Variants in RTN1 observed in about 807,000 individuals in gnomAD.
RTN1 encodes reticulon-1.
In RTN1, 25 loss-of-function variants were observed where a neutral mutation model predicts 65.5. The observed-to-expected ratio is 0.38, with a 90% CI of 0.28 to 0.53. RTN1 has a LOEUF of 0.53. RTN1 is among the 20% of genes least tolerant of loss of function. The pLI is 0.79. For missense variants in RTN1, 983 were observed against 1,025.4 expected (o/e 0.96, Z 0.57); for synonymous variants, 471 against 447.6 (o/e 1.05, Z -0.66).
At chr14:59,616,220 T>A (rs8010675) in intron 3 of RTN1, among the ~76,000 whole-genome samples, 114,043 of 152,042 alleles carry the variant, frequency 0.75, 43,175 homozygotes, top group East Asian at 0.86. Context: ...AAACTCCTGT[T>A]ATTCTAATAT....
At chr14:59,602,445 T>C (rs539550662) in intron 8 of RTN1, among the ~76,000 whole-genome samples, 8 of 152,138 alleles carry the variant, frequency 5.3e-5, no homozygotes, top group Non-Finnish European at 1.0e-4. Flanking sequence ...TTAATGATCA[T>C]GTTAGCTATG....
intron 1 of RTN1, among the ~76,000 whole-genome samples, chr14:59,808,022 G>A (rs1305955915): frequency 6.6e-6 from 1 of 152,146 alleles, no homozygotes; most frequent in African/African-American, 2.4e-5. Context: ...GTGCTTCTTA[G>A]ATTATAAATT....
chr14:59,848,074 G>T (rs1887440491), intron 1 of RTN1, among the ~76,000 whole-genome samples: 1 of 152,068 alleles, frequency 6.6e-6, no homozygotes, highest in African/African-American at 2.4e-5. Context: ...CTGAGTAATG[G>T]CTCAGATTTT....
intron 2 of RTN1, among the ~76,000 whole-genome samples, chr14:59,741,133 C>G (rs938508434): frequency 9.9e-5 from 15 of 152,158 alleles, no homozygotes; most frequent in Non-Finnish European, 1.9e-4. Context: ...ATTGAAAACC[C>G]AAGTCTGATC....
chr14:59,705,585 C>T (rs1884274004), intron 3 of RTN1, among the ~76,000 whole-genome samples: 1 of 152,142 alleles, frequency 6.6e-6, no homozygotes, highest in Non-Finnish European at 1.5e-5. Context: ...CATTATTTTG[C>T]TAATGTTTCT....
At chr14:59,630,895 G>T in intron 3 of RTN1, 1 of 958,468 alleles carries the variant, frequency 1.0e-6, no homozygotes, top group Non-Finnish European at 1.2e-6. Context: ...GGTGAGAGGA[G>T]GAGGACTTGG....
chr14:59,637,344 T>C (rs1157408302), intron 3 of RTN1, among the ~76,000 whole-genome samples: 1 of 152,218 alleles, frequency 6.6e-6, no homozygotes, highest in African/African-American at 2.4e-5. Flanking sequence ...CTTCTAATTC[T>C]GGTTCTTTTG....
chr14:59,851,417 A>G lies in RTN1; in HGVS notation c.241+18973T>C, dbSNP rs78697003. ...TTAAATAAGCACAGAGCAGATTACT[A>G]TACTTAAAAAATAAAAGCAACACAA... On this transcript the variant is annotated intron_variant, in intron 1 of 8. Coordinates refer to ENST00000267484, the MANE Select transcript of RTN1 (RefSeq NM_021136.3). 3.4e-3 allele frequency among the ~76,000 whole-genome samples: 511 copies of G among 152,352 alleles called. 18 individuals carry two copies. In the East Asian group the frequency reaches 0.058, roughly 17 times the overall value.
chr14:59,703,544 A>C (rs1053996750), intron 3 of RTN1, among the ~76,000 whole-genome samples: 4 of 152,212 alleles, frequency 2.6e-5, no homozygotes, highest in Non-Finnish European at 4.4e-5. Flanking sequence ...AAGCCTGCAG[A>C]ACCATGAGTC....
chr14:59,672,862 G>A (rs866876777), intron 3 of RTN1, among the ~76,000 whole-genome samples: 3 of 150,406 alleles, frequency 2.0e-5, no homozygotes, highest in Middle Eastern at 3.4e-3. Flanking sequence ...GGATGGTCTC[G>A]ATCTCCTGAC....
At chr14:59,679,130 G>C (rs1883690500) in intron 3 of RTN1, among the ~76,000 whole-genome samples, 1 of 152,172 alleles carries the variant, frequency 6.6e-6, no homozygotes, top group Non-Finnish European at 1.5e-5. Context: ...AAAAGGCCAA[G>C]ATAATCCCTA....
chr14:59,630,397 C>G, intron 3 of RTN1: 18 of 1,611,692 alleles, frequency 1.1e-5, no homozygotes, highest in Non-Finnish European at 1.4e-5. Flanking sequence ...GTCCAGGTCC[C>G]GGGTTTCCCG....
chr14:59,740,080 A>T (rs1261430096), intron 2 of RTN1, among the ~76,000 whole-genome samples: 1 of 152,152 alleles, frequency 6.6e-6, no homozygotes, highest in Non-Finnish European at 1.5e-5. Flanking sequence ...CTGTGTGATG[A>T]TTTAATTAAT....
chr14:59,757,964 T>C (rs1885672908), intron 1 of RTN1, among the ~76,000 whole-genome samples: 1 of 152,172 alleles, frequency 6.6e-6, no homozygotes, highest in African/African-American at 2.4e-5. Flanking sequence ...AACAAAAGTA[T>C]AATGACATAT....
chr14:59,720,638 G>T (rs955136372), intron 3 of RTN1, among the ~76,000 whole-genome samples: 3 of 151,608 alleles, frequency 2.0e-5, no homozygotes. Flanking sequence ...CAGGAGAATT[G>T]CTTGAACCTG....
intron 2 of RTN1, among the ~76,000 whole-genome samples, chr14:59,742,136 A>G (rs1885127898): frequency 6.6e-6 from 1 of 152,254 alleles, no homozygotes; most frequent in Admixed American, 6.5e-5. Flanking sequence ...AAAAATGGGT[A>G]GGAGAATCAT....
rs1250018125 is a variant in RTN1 at position 59,774,226 on chromosome 14, G to A, written c.242-27745C>T. 6.6e-6 allele frequency among the ~76,000 whole-genome samples: 1 copy of A among 152,200 alleles called. No individual in the cohort carries two copies. Among genetic ancestry groups the A allele is most frequent in the East Asian group, 1.9e-4 (1 of 5,198 alleles). On this transcript the variant is annotated intron_variant, in intron 1 of 8. Transcript: ENST00000267484. This position sits in a 1 kb window ranked among gnomAD's most constrained non-coding sequence, Gnocchi z 5.1. ...TCTTTATTTTTCTATGGCAAAGAAT[G>A]TGAATCTCTTACTAAACTGACTGTT...
At chr14:59,721,615 G>A (rs1884648823) in intron 3 of RTN1, among the ~76,000 whole-genome samples, 1 of 152,224 alleles carries the variant, frequency 6.6e-6, no homozygotes, top group Non-Finnish European at 1.5e-5. Context: ...TGGTCCCCAA[G>A]CAACACTTAA....
At chr14:59,655,785 A>G (rs1021526860) in intron 3 of RTN1, among the ~76,000 whole-genome samples, 2 of 152,244 alleles carry the variant, frequency 1.3e-5, no homozygotes, top group African/African-American at 4.8e-5. Context: ...ACGACTGGAT[A>G]TGAACAAGAA....
Sources: allele counts gnomAD v4.1 joint callset (sites outside exome capture counted in the v4.1 genomes callset), GRCh38; gene constraint gnomAD v4.1.1; non-coding constraint Gnocchi (gnomAD v3.1); transcripts MANE v1.5; gene names NCBI Gene and HGNC (gene_info 2026-07-23, HGNC 2026-07-21).